HOOK2: variants seen among roughly 807,000 people sequenced by gnomAD.
HOOK2 encodes protein Hook homolog 2.
HOOK2 carries 108 observed loss-of-function variants against 111.9 expected under a neutral mutation model. The ratio of observed to expected loss-of-function variants is 0.96; its 90% CI spans 0.83 to 1.13. HOOK2 has a LOEUF of 1.13. Ranked by LOEUF, HOOK2 falls within the 50% of genes most tolerant of loss-of-function variation. The pLI, the probability that HOOK2 is intolerant of heterozygous loss-of-function variation, is 0.00. For synonymous variants in HOOK2, 405 were observed against 394.3 expected (o/e 1.03, Z -0.32); for missense variants, 978 against 951.3 (o/e 1.03, Z -0.37).
chr19:12,775,407 A>C lies in HOOK2; in HGVS notation c.43T>G (p.Trp15Gly). Residue 15 changes from tryptophan to glycine, a missense_variant and splice_region_variant, in exon 1 of 23, where the codon TGG becomes GGG. This residue lies in a region of HOOK2 where 301 missense variants were observed against 286.1 expected (regional missense o/e 1.05). Coordinates refer to ENST00000397668, the MANE Select transcript of HOOK2 (RefSeq NM_013312.3). Reference protein sequence around the residue: ...KAELCGSLLTWLQTFHVPSPC... With the variant: ...KAELCGSLLTGLQTFHVPSPC... ...CCTAGCCCCGCCCCACGACCTACCC[A>C]GGTGAGCAGAGACCCGCATAGCTCA... The C allele has an allele frequency of 6.2e-7, 1 of 1,612,294 alleles. No homozygotes were observed. Among genetic ancestry groups the C allele is most frequent in the Non-Finnish European group, 8.5e-7 (1 of 1,179,462 alleles).
chr19:12,763,504 T>A, intron 22 of HOOK2, 24 bp downstream of exon 22: 1 of 1,614,148 alleles, frequency 6.2e-7, no homozygotes, highest in Non-Finnish European at 8.5e-7. Flanking sequence ...CCATGAGATC[T>A]TAGAGCCCAG....
At chr19:12,777,756 C>T (rs1199404388), upstream of HOOK2, among the ~76,000 whole-genome samples, 1 of 152,280 alleles carries the variant, frequency 6.6e-6, no homozygotes, top group East Asian at 1.9e-4. Flanking sequence ...GCGGAGACCG[C>T]AGAACGCGGC....
intron 20 of HOOK2, 26 bp from the exon 21 acceptor site, chr19:12,763,804 G>A (rs772212886): frequency 1.2e-5 from 19 of 1,583,536 alleles, no homozygotes; most frequent in African/African-American, 9.4e-5. Context: ...GTCATAGCCA[G>A]GTGACTTTGG....
At chr19:12,766,426 C>T in intron 14 of HOOK2, 186 bp from the exon 15 acceptor site, 1 of 681,914 alleles carries the variant, frequency 1.5e-6, no homozygotes, top group Non-Finnish European at 2.3e-6. Flanking sequence ...GTGGACGGAG[C>T]TCTAAGCTGG....
At position 12,771,088 on chromosome 19, in the gene HOOK2, G is replaced by A. The variant is rs767392093; in HGVS notation, c.762-16C>T. 1 of 1,611,912 alleles carries A rather than the reference G, an allele frequency of 6.2e-7. No homozygotes were observed. Among genetic ancestry groups the A allele is most frequent in the Non-Finnish European group, 8.5e-7 (1 of 1,178,448 alleles). On this transcript the variant is annotated splice_polypyrimidine_tract_variant and intron_variant, in intron 9 of 22. Coordinates refer to ENST00000397668, the MANE Select transcript of HOOK2 (RefSeq NM_013312.3). ...ACTCTCCAGCCTGGGGGTGTTGGGG[G>A]AAGAGCACATGAGGGGGCTGCCCTC...
upstream of HOOK2, among the ~76,000 whole-genome samples, chr19:12,783,236 C>T (rs569979373): frequency 5.3e-5 from 8 of 152,052 alleles, no homozygotes; most frequent in South Asian, 2.1e-4. Flanking sequence ...GGACTTCGCT[C>T]TCCGCGGGGA....
At position 12,764,980 on chromosome 19, in the gene HOOK2, G is replaced by A. The variant is rs753649485; in HGVS notation, c.1723+19C>T. Reference sequence around the variant, plus strand: ...GGCTCTGGGATCTCCCCACCCTCTGGTCACTAGGTCCTACTTACTGCTGCT... The same window carrying A: ...GGCTCTGGGATCTCCCCACCCTCTGATCACTAGGTCCTACTTACTGCTGCT... On this transcript the variant is annotated intron_variant, in intron 19 of 22. Transcript: ENST00000397668. 3.1e-6 allele frequency: 5 copies of A among 1,614,054 alleles called. No homozygotes were observed. Among genetic ancestry groups the A allele is most frequent in the East Asian group, 2.2e-5 (1 of 44,876 alleles).
At chr19:12,770,764 C>T (rs1449290326) in intron 10 of HOOK2, among the ~76,000 whole-genome samples, 168 bp downstream of exon 10, 1 of 151,454 alleles carries the variant, frequency 6.6e-6, no homozygotes, top group Non-Finnish European at 1.5e-5. Context: ...TGCAATGTGG[C>T]CTTGGGCGTT....
chr19:12,772,943 G>A (rs781635365), intron 4 of HOOK2, 31 bp from the exon 5 acceptor site: 1 of 1,614,160 alleles, frequency 6.2e-7, no homozygotes, highest in Non-Finnish European at 8.5e-7. Context: ...GGGGCTCATG[G>A]GCCCACCCTT....
chr19:12,789,824 G>A (rs1163479772), intron 3 of HOOK2, among the ~76,000 whole-genome samples: 1 of 151,850 alleles, frequency 6.6e-6, no homozygotes, highest in African/African-American at 2.4e-5. Context: ...CGGGGGCGGC[G>A]GTCGGGGCTG....
At chr19:12,775,601 C>T, upstream of HOOK2, 1 of 655,266 alleles carries the variant, frequency 1.5e-6, no homozygotes. Flanking sequence ...CGCCCCGCCC[C>T]CAAGCCCAGG....
chr19:12,774,082 TTTTTTCTTTTTC>T lies in HOOK2; in HGVS notation c.204+575_204+586del, dbSNP rs139745461. 2.2e-3 allele frequency: 343 copies of T among 156,028 alleles called. 1 individual carries two copies. The highest frequency in any genetic ancestry group is 6.9e-3 in the African/African-American group (283 of 41,104). The allele number at this position is 156,028 out of a possible 1,614,324, so 9.7% of individuals were successfully genotyped here. The stretch of plus-strand genomic sequence containing the variant: ...TTCACAGAACTACTGGCATCAAAAG[TTTTTTCTTTTTC>T]TTTTTCTTTTTCTTTTTTTCTTCTT... On this transcript the variant is annotated intron_variant, in intron 3 of 22. Coordinates refer to ENST00000397668, the MANE Select transcript of HOOK2 (RefSeq NM_013312.3).
chr19:12,776,505 C>T (rs1968515861), upstream of HOOK2, among the ~76,000 whole-genome samples: 2 of 151,370 alleles, frequency 1.3e-5, no homozygotes, highest in African/African-American at 4.9e-5. Context: ...CATGGTGAAA[C>T]CCCGTCTCTA....
chr19:12,769,987 T>C lies in HOOK2; in HGVS notation c.998A>G (p.Gln333Arg), dbSNP rs1568366685. ...GTGGCCGGCGTTGCGTTCCTCCAGC[T>C]GCCGCACCTGCCGCCGCAGCTCCCT... ...ELRELRRQVR[Q>R]LEERNAGHAE... Residue 333 changes from glutamine (Q) to arginine (R), a missense_variant, in exon 11 of 23, where the codon CAG (glutamine) becomes CGG (arginine). Gln to Arg is a conservative substitution (Grantham distance 43). Transcript: ENST00000397668. The C allele has an allele frequency of 6.5e-7, 1 of 1,545,748 alleles. No homozygotes were observed. The highest frequency in any genetic ancestry group is 8.7e-7 in the Non-Finnish European group (1 of 1,150,690).
At chr19:12,784,073 G>A (rs778299094) in intron 3 of HOOK2, among the ~76,000 whole-genome samples, 1 of 152,094 alleles carries the variant, frequency 6.6e-6, no homozygotes. Flanking sequence ...CGGGTGGCCC[G>A]AGGGAGGGGA....
chr19:12,782,569 G>T (rs987845437), upstream of HOOK2, among the ~76,000 whole-genome samples: 3 of 152,212 alleles, frequency 2.0e-5, no homozygotes, highest in African/African-American at 7.2e-5. Flanking sequence ...ACACGACGGG[G>T]GTCGCTGCGT....
At chr19:12,788,663 T>C (rs1204406103) in intron 3 of HOOK2, among the ~76,000 whole-genome samples, 3 of 152,022 alleles carry the variant, frequency 2.0e-5, no homozygotes, top group Non-Finnish European at 4.4e-5. Context: ...CTCCTGGCTT[T>C]TGGGACCTGC....
In HOOK2 at chr19:12,790,632, G is replaced by T. The variant is rs542961245; in HGVS notation, n.42-16407C>A. 6.6e-6 allele frequency among the ~76,000 whole-genome samples: 1 copy of T among 152,284 alleles called. No individual in the cohort carries two copies. Among genetic ancestry groups the T allele is most frequent in the East Asian group, 1.9e-4 (1 of 5,186 alleles). On this transcript the variant is annotated intron_variant and non_coding_transcript_variant, in intron 3 of 3. Coordinates refer to the HOOK2 transcript ENST00000589765. This position sits in a 1 kb window ranked among gnomAD's most constrained non-coding sequence, Gnocchi z 7.2. ...CTCTTATTGTCTTCTCTGCTCCGAA[G>T]ATGTGTCCGGCCCCTTCTAACTCTC...
chr19:12,774,738 G>T lies in HOOK2; in HGVS notation c.135C>A (p.Asp45Glu), dbSNP rs1030548509. Residue 45 changes from aspartate to glutamate, a missense_variant, in exon 3 of 23, where the codon GAC becomes GAA. By Grantham distance (45) the Asp-to-Glu change is conservative. This residue lies in a region of HOOK2 where 301 missense variants were observed against 286.1 expected (regional missense o/e 1.05). Coordinates refer to ENST00000397668, the MANE Select transcript of HOOK2 (RefSeq NM_013312.3). ...LAVAYVLNQI[D>E]PSWFNEAWLQ... ...GCCATGCCTCGTTGAACCAGGAGGG[G>T]TCTCTGGGGGCGAGAAGGTGGGATG... is the stretch of plus-strand genomic sequence containing the variant. 7 of 1,613,896 alleles carry T rather than the reference G, an allele frequency of 4.3e-6. No individual in the cohort carries two copies. Among genetic ancestry groups the T allele is most frequent in the Non-Finnish European group, 5.9e-6 (7 of 1,179,880 alleles).
Sources: gnomAD v4.1 joint callset for allele counts (sites outside exome capture counted in the v4.1 genomes callset) on GRCh38, gnomAD v4.1.1 for gene constraint, gnomAD v4.1.1 regional missense constraint, Gnocchi (gnomAD v3.1) non-coding constraint, MANE v1.5 for transcripts, NCBI Gene and HGNC (gene_info 2026-07-23, HGNC 2026-07-21) for gene names.